ST18: variants seen among roughly 807,000 people sequenced by gnomAD.
ST18 encodes suppression of tumorigenicity 18 protein.
Under a neutral mutation model 110.0 loss-of-function variants are expected in ST18, and 50 were observed. The observed-to-expected ratio is 0.45, with a 90% CI of 0.36 to 0.58. The LOEUF (loss-of-function observed/expected upper bound fraction) is 0.58. Among genes scored for constraint, ST18 ranks in the 20% least tolerant of loss-of-function variants. The pLI, the probability that ST18 is intolerant of heterozygous loss-of-function variation, is 0.00. For synonymous variants in ST18, 461 were observed against 452.4 expected (o/e 1.02, Z -0.24); for missense variants, 1,306 against 1,280.1 (o/e 1.02, Z -0.31).
At chr8:52,363,015 T>C (rs531540276) in intron 2 of ST18, among the ~76,000 whole-genome samples, 3 of 152,108 alleles carry the variant, frequency 2.0e-5, no homozygotes, top group Non-Finnish European at 4.4e-5. Context: ...ATGGAGACCA[T>C]CCTGGCTAAC....
At chr8:52,383,070 T>C (rs1223949916) in intron 2 of ST18, among the ~76,000 whole-genome samples, 1 of 152,126 alleles carries the variant, frequency 6.6e-6, no homozygotes, top group Non-Finnish European at 1.5e-5. Flanking sequence ...CTCTACTACT[T>C]TTCCTCGCTT....
At chr8:52,231,343 A>G (rs1564201047) in intron 2 of ST18, among the ~76,000 whole-genome samples, 1 of 152,170 alleles carries the variant, frequency 6.6e-6, no homozygotes, top group Non-Finnish European at 1.5e-5. Context: ...AACAGTAAGC[A>G]TCCACTGAGT....
intron 2 of ST18, among the ~76,000 whole-genome samples, chr8:52,361,612 AT>A (rs1287113916): frequency 8.5e-5 from 13 of 152,206 alleles, no homozygotes; most frequent in African/African-American, 3.1e-4. Context: ...GGCATGAATT[AT>A]TTTGCATATT....
At chr8:52,290,227 A>G (rs1158210364) in intron 2 of ST18, among the ~76,000 whole-genome samples, 1 of 152,056 alleles carries the variant, frequency 6.6e-6, no homozygotes, top group Non-Finnish European at 1.5e-5. Flanking sequence ...CAGCTCACTA[A>G]AGGCTCCACC....
intron 15 of ST18, among the ~76,000 whole-genome samples, chr8:52,158,439 T>A (rs763302851): frequency 3.9e-5 from 6 of 152,238 alleles, no homozygotes; most frequent in Non-Finnish European, 5.9e-5. Flanking sequence ...ACAAATGCAA[T>A]GATAAAATTT....
chr8:52,241,617 C>T (rs1262305336), intron 2 of ST18, among the ~76,000 whole-genome samples: 1 of 152,188 alleles, frequency 6.6e-6, no homozygotes, highest in Non-Finnish European at 1.5e-5. Context: ...GGCTAATATT[C>T]ATTGTCTATA....
chr8:52,388,820 TGG>T (rs755222504), intron 2 of ST18, among the ~76,000 whole-genome samples: 8 of 32,954 alleles, frequency 2.4e-4, no homozygotes, highest in Non-Finnish European at 4.5e-4. Context: ...TGTTGTGGGG[TGG>T]GGGGAGGGGG....
chr8:52,198,860 C>T (rs2077023159), intron 8 of ST18, among the ~76,000 whole-genome samples: 1 of 152,240 alleles, frequency 6.6e-6, no homozygotes, highest in South Asian at 2.1e-4. Flanking sequence ...ACCCCTTCCA[C>T]ATGTACCTGT....
intron 9 of ST18, among the ~76,000 whole-genome samples, chr8:52,173,630 G>T (rs925984977): frequency 6.6e-6 from 1 of 152,106 alleles, no homozygotes; most frequent in Non-Finnish European, 1.5e-5. Flanking sequence ...GCCCAGGCAC[G>T]TGGGGTGTGC....
At chr8:52,170,390 T>G (rs2064422167) in intron 10 of ST18, among the ~76,000 whole-genome samples, 1 of 151,432 alleles carries the variant, frequency 6.6e-6, no homozygotes, top group African/African-American at 2.4e-5. Flanking sequence ...AGGCAGAGCT[T>G]GCAGTGAGCC....
At chr8:52,347,800 C>G (rs558133635) in intron 2 of ST18, among the ~76,000 whole-genome samples, 6 of 152,280 alleles carry the variant, frequency 3.9e-5, no homozygotes, top group African/African-American at 7.2e-5. Flanking sequence ...ATGGTGGAGC[C>G]TGGATTCAAA....
chr8:52,122,440 C>T (rs1052741668), intron 23 of ST18, among the ~76,000 whole-genome samples: 6 of 151,806 alleles, frequency 4.0e-5, no homozygotes, highest in Non-Finnish European at 8.8e-5. Flanking sequence ...ATATTTCAAA[C>T]AAATTCTATT....
At chr8:52,300,960 C>T (rs567048775) in intron 2 of ST18, among the ~76,000 whole-genome samples, 1 of 152,220 alleles carries the variant, frequency 6.6e-6, no homozygotes, top group South Asian at 2.1e-4. Flanking sequence ...ACCACAAATA[C>T]AGAAGAGATT....
intron 19 of ST18, 137 bp downstream of exon 19, chr8:52,136,453 C>G (rs2131746227): frequency 1.3e-6 from 1 of 789,356 alleles, no homozygotes; most frequent in Non-Finnish European, 2.0e-6. Flanking sequence ...GCGCTTTAGT[C>G]AGAAAGTGCC....
chr8:52,246,991 C>T (rs2093913163), intron 2 of ST18, among the ~76,000 whole-genome samples: 1 of 152,190 alleles, frequency 6.6e-6, no homozygotes, highest in Admixed American at 6.5e-5. Flanking sequence ...AAAGGGAGTA[C>T]TGTAGATTCT....
chr8:52,285,744 T>A (rs1340931501), intron 2 of ST18, among the ~76,000 whole-genome samples: 2 of 152,210 alleles, frequency 1.3e-5, no homozygotes, highest in African/African-American at 4.8e-5. Flanking sequence ...CCTTGGAATA[T>A]ATCCAATTTC....
intron 2 of ST18, among the ~76,000 whole-genome samples, chr8:52,283,412 G>A (rs1480793157): frequency 6.6e-6 from 1 of 152,178 alleles, no homozygotes; most frequent in Non-Finnish European, 1.5e-5. Flanking sequence ...GTGTGACTTA[G>A]GTCACTCCAC....
chr8:52,362,250 A>G (rs1826031641), intron 2 of ST18, among the ~76,000 whole-genome samples: 2 of 152,224 alleles, frequency 1.3e-5, no homozygotes, highest in South Asian at 4.1e-4. Flanking sequence ...TGAAAGGTAC[A>G]TTGCATAAAT....
chr8:52,309,570 T>A (rs1316762974), intron 2 of ST18, among the ~76,000 whole-genome samples: 1 of 146,516 alleles, frequency 6.8e-6, no homozygotes, highest in African/African-American at 2.6e-5. Flanking sequence ...ATGGAAACTA[T>A]GAAATATGAG....
Sources: gnomAD v4.1 joint callset for allele counts (sites outside exome capture counted in the v4.1 genomes callset) on GRCh38, gnomAD v4.1.1 for gene constraint, MANE v1.5 for transcripts, NCBI Gene and HGNC (gene_info 2026-07-23, HGNC 2026-07-21) for gene names.